The following PACS2 variants were observed in gnomAD, a reference collection of about 807,000 sequenced individuals.
The protein encoded by PACS2 is phosphofurin acidic cluster sorting protein 2, also known as PACS1-like protein.
Under a neutral mutation model 113.0 loss-of-function variants are expected in PACS2, and 36 were observed. The ratio of observed to expected loss-of-function variants is 0.32; its 90% CI spans 0.24 to 0.42. The LOEUF (loss-of-function observed/expected upper bound fraction) is 0.42. PACS2 is among the 10% of genes least tolerant of loss of function. The pLI, the probability that PACS2 is intolerant of heterozygous loss-of-function variation, is 1.00. For synonymous variants in PACS2, 589 were observed against 536.1 expected, an observed-to-expected ratio of 1.10 and a Z score of -1.36; for missense variants, 1,015 against 1,239.5, an observed-to-expected ratio of 0.82 and a Z score of 2.72.
At chr14:105,316,886 TAATGGGCGGA>T (rs1373164187) in intron 1 of PACS2, among the ~76,000 whole-genome samples, 23 of 138,826 alleles carry the variant, frequency 1.7e-4, no homozygotes, top group African/African-American at 7.9e-4. Context: ...GCGGAGGAGT[TAATGGGCGGA>T]GGGGCGAGTG....
chr14:105,393,995 G>A (rs1238903332), intron 24 of PACS2, among the ~76,000 whole-genome samples: 9 of 141,930 alleles, frequency 6.3e-5, no homozygotes, highest in South Asian at 2.2e-4. Context: ...CCGAGATTGC[G>A]CCACTGCACT....
chr14:105,381,854 C>T, intron 12 of PACS2, 60 bp from the exon 13 acceptor site: 2 of 1,480,828 alleles, frequency 1.4e-6, no homozygotes, highest in Non-Finnish European at 1.8e-6. Context: ...CTGCCCCTGC[C>T]TCTGCCCCTG....
rs1365063987 is a variant in PACS2 at position 105,329,700 on chromosome 14, T to C, written c.119+14663T>C. On this transcript the variant is annotated intron_variant, in intron 1 of 24. Transcript: ENST00000447393. The surrounding 1 kb of genome is among the most constrained non-coding windows in gnomAD (Gnocchi z 6.4). ...TAGGTGCGCACCTGGAGTCCTTTCC[T>C]GCGTGACTTGCAAACAGGCCTTGCA... Among the ~76,000 whole-genome samples, 1 of 152,158 alleles carries C rather than the reference T, an allele frequency of 6.6e-6. No homozygotes were observed. The highest frequency in any genetic ancestry group is 1.5e-5 in the Non-Finnish European group (1 of 68,024).
chr14:105,367,671 G>C, intron 5 of PACS2, among the ~76,000 whole-genome samples: 1 of 152,278 alleles, frequency 6.6e-6, no homozygotes, highest in East Asian at 1.9e-4. Context: ...TTGCTGGTCT[G>C]GGTGCAGGGC....
At chr14:105,394,148 C>T (rs2141328043) in intron 24 of PACS2, 20 of 974,112 alleles carry the variant, frequency 2.1e-5, no homozygotes, top group South Asian at 4.7e-5. Flanking sequence ...AGATGACCTC[C>T]AGGTCGACGT....
rs2060503604 is a variant in PACS2 at position 105,357,602 on chromosome 14, G to T, written c.423+2425G>T. ...GGCTCCCTGTGTCCTGCCACCTTTTGGGGCTGGTTCCCACCTGTGAGCGTT... is the reference window on the plus strand; with the variant it reads ...GGCTCCCTGTGTCCTGCCACCTTTTTGGGCTGGTTCCCACCTGTGAGCGTT... On this transcript the variant is annotated intron_variant, in intron 4 of 24. Coordinates refer to ENST00000447393, the MANE Select transcript of PACS2 (RefSeq NM_001100913.3). The surrounding 1 kb of genome is among the most constrained non-coding windows in gnomAD (Gnocchi z 5.1). Among the ~76,000 whole-genome samples, 2 of 152,134 alleles carry T rather than the reference G, an allele frequency of 1.3e-5. No homozygotes were observed. Among genetic ancestry groups the T allele is most frequent in the Admixed American group, 1.3e-4 (2 of 15,270 alleles).
Position 105,376,884 on chromosome 14 carries a change from G to A in PACS2, c.918G>A (p.Glu306=), listed in dbSNP as rs782463631. 4 of 1,612,772 alleles carry A rather than the reference G, an allele frequency of 2.5e-6. No homozygotes were observed. The highest frequency in any genetic ancestry group is 2.2e-5 in the South Asian group (2 of 91,050). ...CCAGCGACAGCGGCCCCGACATGGA[G>A]GATGACGACAGCGTCCTCAGCACCC... ...EHPSDSGPDM[E]DDDSVLSTPK... The change falls in exon 9 of 25, where the codon GAG becomes GAA. Residue 306 remains glutamate (E), a synonymous_variant. Coordinates refer to ENST00000447393, the MANE Select transcript of PACS2 (RefSeq NM_001100913.3). This position sits in a 1 kb window ranked among gnomAD's most constrained non-coding sequence, Gnocchi z 4.7.
upstream of PACS2, among the ~76,000 whole-genome samples, chr14:105,311,063 C>T (rs1029247292): frequency 2.0e-5 from 3 of 152,110 alleles, no homozygotes; most frequent in African/African-American, 7.2e-5. Flanking sequence ...AGCGATTCTC[C>T]TGCCTCAGCC....
chr14:105,337,186 T>G (rs1431406003), intron 1 of PACS2, among the ~76,000 whole-genome samples: 1 of 152,218 alleles, frequency 6.6e-6, no homozygotes, highest in African/African-American at 2.4e-5. Context: ...CAGGAGGACA[T>G]GCACTGTATG....
In PACS2 at chr14:105,341,554, G is replaced by A. The variant is rs377546109; in HGVS notation, c.120-6939G>A. On this transcript the variant is annotated intron_variant, in intron 1 of 24. Transcript: ENST00000447393. ...CTTCTGTAGGTTTTCTGGTGTCTTTGTTATGATTCTCTCAGGGCCAAGTGT... is the reference window on the plus strand; with the variant it reads ...CTTCTGTAGGTTTTCTGGTGTCTTTATTATGATTCTCTCAGGGCCAAGTGT... Among the ~76,000 whole-genome samples the A allele has an allele frequency of 7.9e-5, 12 of 152,324 alleles. No homozygotes were observed. The East Asian group carries it at 2.1e-3, about 27-fold the overall frequency.
chr14:105,302,840 C>G (rs2058080144), intron 1 of PACS2, among the ~76,000 whole-genome samples: 1 of 151,932 alleles, frequency 6.6e-6, no homozygotes, highest in South Asian at 2.1e-4. Context: ...CTTGTCTTCC[C>G]AAAGTGCTGG....
chr14:105,321,673 A>G (rs1056419800), intron 1 of PACS2, among the ~76,000 whole-genome samples: 4 of 151,178 alleles, frequency 2.6e-5, no homozygotes, highest in African/African-American at 9.7e-5. Flanking sequence ...CACTTAATAT[A>G]TTTTTGAGGC....
At chr14:105,325,158 G>A (rs953571874) in intron 1 of PACS2, among the ~76,000 whole-genome samples, 2 of 150,440 alleles carry the variant, frequency 1.3e-5, no homozygotes. Context: ...CACCGTCGTA[G>A]GGTGGTGGGA....
chr14:105,375,692 A>C (rs1236747233), intron 8 of PACS2, among the ~76,000 whole-genome samples: 1 of 152,154 alleles, frequency 6.6e-6, no homozygotes, highest in African/African-American at 2.4e-5. Context: ...AGGAACCCAC[A>C]CCCTGCTGGG....
Position 105,397,346 on chromosome 14 carries a change from G to A in PACS2, c.*2674G>A, listed in dbSNP as rs756899320. 77 of 152,480 alleles carry A rather than the reference G, an allele frequency of 5.0e-4. No homozygotes were observed. The highest frequency in any genetic ancestry group is 8.5e-4 in the Non-Finnish European group (58 of 68,258). The allele number at this position is 152,480 out of a possible 1,614,324, so 9.4% of individuals were successfully genotyped here. On this transcript the variant is annotated 3_prime_UTR_variant, in exon 25 of 25. Transcript: ENST00000447393. ...CTGACAGCCAGTGCGGTAAGGGCGG[G>A]GGATGTGTGTGTGAGGTGTGCACAC...
intron 1 of PACS2, among the ~76,000 whole-genome samples, chr14:105,302,621 T>C (rs1412782848): frequency 6.6e-6 from 1 of 152,234 alleles, no homozygotes; most frequent in Non-Finnish European, 1.5e-5. Flanking sequence ...TGTCTCATTC[T>C]GTCACCCAAG....
At chr14:105,384,027 C>T in intron 16 of PACS2, 1 of 363,250 alleles carries the variant, frequency 2.8e-6, no homozygotes, top group South Asian at 3.2e-5. Context: ...GGAGGCGACA[C>T]CTCTCCCGTG....
intron 1 of PACS2, among the ~76,000 whole-genome samples, chr14:105,318,153 T>C (rs1475775542): frequency 2.0e-5 from 3 of 152,220 alleles, no homozygotes; most frequent in African/African-American, 7.2e-5. Context: ...ATGTATTTTG[T>C]TGTTGTTGTT....
At chr14:105,312,723 T>C (rs1234966386), upstream of PACS2, among the ~76,000 whole-genome samples, 1 of 152,210 alleles carries the variant, frequency 6.6e-6, no homozygotes, top group African/African-American at 2.4e-5. Flanking sequence ...AAAGTTACTC[T>C]GATCACCCAA....
Sources: gnomAD v4.1 joint callset for allele counts (sites outside exome capture counted in the v4.1 genomes callset) on GRCh38, gnomAD v4.1.1 for gene constraint, Gnocchi (gnomAD v3.1) non-coding constraint, MANE v1.5 for transcripts, NCBI Gene and HGNC (gene_info 2026-07-23, HGNC 2026-07-21) for gene names.